QTMAN: variants seen among roughly 807,000 people sequenced by gnomAD.
QTMAN encodes queuosine-tRNA mannosyltransferase.
chr2:144,271,842 G>A, the QTMAN span, among the ~76,000 whole-genome samples: 1 of 152,102 alleles, frequency 6.6e-6, no homozygotes, highest in Non-Finnish European at 1.5e-5. Context: ...GCCTCAACCT[G>A]AATCTCTTGT....
the QTMAN span, among the ~76,000 whole-genome samples, chr2:144,103,446 T>C: frequency 6.6e-6 from 1 of 152,176 alleles, no homozygotes; most frequent in African/African-American, 2.4e-5. Context: ...TAATAGAACA[T>C]CTGAGGTGCA....
chr2:144,132,755 G>A, the QTMAN span, among the ~76,000 whole-genome samples: 8 of 151,850 alleles, frequency 5.3e-5, no homozygotes, highest in South Asian at 1.7e-3. Flanking sequence ...TTGGAGTCAT[G>A]TTGAATGGAC....
At chr2:144,032,211 T>G in the QTMAN span, among the ~76,000 whole-genome samples, 1 of 152,210 alleles carries the variant, frequency 6.6e-6, no homozygotes, top group Non-Finnish European at 1.5e-5. Flanking sequence ...TTACTAATGG[T>G]GTAGGTTTTG....
chr2:144,019,438 GT>G, the QTMAN span, among the ~76,000 whole-genome samples: 58 of 91,770 alleles, frequency 6.3e-4, no homozygotes, highest in Admixed American at 1.9e-3. Flanking sequence ...GCATGCAGGT[GT>G]GTGTGTGTGT....
chr2:143,958,788 T>G, the QTMAN span, among the ~76,000 whole-genome samples: 1 of 149,882 alleles, frequency 6.7e-6, no homozygotes, highest in Non-Finnish European at 1.5e-5. Flanking sequence ...CTTTCTTTTT[T>G]TTTTTTTTTT....
chr2:144,155,805 T>G, the QTMAN span, among the ~76,000 whole-genome samples: 1 of 152,130 alleles, frequency 6.6e-6, no homozygotes, highest in Non-Finnish European at 1.5e-5. Flanking sequence ...TATCATGATT[T>G]AGGCTTGAAT....
chr2:144,281,121 T>TTGTTCAATGAG, the QTMAN span, among the ~76,000 whole-genome samples: 1 of 140,188 alleles, frequency 7.1e-6, no homozygotes, highest in Non-Finnish European at 1.5e-5. Flanking sequence ...TGTGTTCTCA[T>TTGTTCAATGAG]TGTTCAATTC....
chr2:144,327,862 T>G, the QTMAN span, among the ~76,000 whole-genome samples: 2 of 152,226 alleles, frequency 1.3e-5, no homozygotes, highest in East Asian at 3.9e-4. Context: ...GGACCTGGAA[T>G]ACAAAAATAA....
chr2:144,257,476 G>A, the QTMAN span, among the ~76,000 whole-genome samples: 1 of 152,052 alleles, frequency 6.6e-6, no homozygotes. Flanking sequence ...GCCAAAAGGG[G>A]TCAAAGAGAG....
chr2:143,952,863 AG>A, the QTMAN span: 1 of 1,479,230 alleles, frequency 6.8e-7, no homozygotes, highest in Non-Finnish European at 9.4e-7. Flanking sequence ...TTTTAGAAAG[AG>A]GGTAAGAATA....
chr2:144,228,319 GA>G, the QTMAN span, among the ~76,000 whole-genome samples: 1 of 151,634 alleles, frequency 6.6e-6, no homozygotes, highest in Admixed American at 6.6e-5. Flanking sequence ...TTACTAGCTA[GA>G]AAAAAAAGAA....
chr2:144,160,868 CTT>C, the QTMAN span, among the ~76,000 whole-genome samples: 1 of 152,138 alleles, frequency 6.6e-6, no homozygotes, highest in African/African-American at 2.4e-5. Context: ...ACAAAAACAC[CTT>C]TGAGTAAAGC....
chr2:144,332,113 G>A, the QTMAN span, among the ~76,000 whole-genome samples: 1 of 152,196 alleles, frequency 6.6e-6, no homozygotes, highest in Non-Finnish European at 1.5e-5. Context: ...CAGCACGCAC[G>A]ACATGTAGGC....
the QTMAN span, among the ~76,000 whole-genome samples, chr2:144,206,348 AC>A: frequency 2.0e-4 from 30 of 152,182 alleles, no homozygotes; most frequent in African/African-American, 7.2e-4. Context: ...CAGAGCTCAG[AC>A]TTATTTAGTG....
chr2:144,173,645 T>C, the QTMAN span, among the ~76,000 whole-genome samples: 5 of 152,324 alleles, frequency 3.3e-5, no homozygotes, highest in African/African-American at 1.2e-4. Flanking sequence ...AGGTACTATT[T>C]CTGGCCTTTT....
the QTMAN span, among the ~76,000 whole-genome samples, chr2:143,968,208 C>A: frequency 6.6e-6 from 1 of 152,192 alleles, no homozygotes; most frequent in South Asian, 2.1e-4. Context: ...GTGGCTGAGG[C>A]AGAAAAAAAT....
chr2:144,302,336 G>T, the QTMAN span, among the ~76,000 whole-genome samples: 4 of 151,896 alleles, frequency 2.6e-5, no homozygotes, highest in Non-Finnish European at 5.9e-5. Context: ...GAAAGATATC[G>T]ATTACACTGG....
At chr2:144,140,016 T>G in the QTMAN span, among the ~76,000 whole-genome samples, 1 of 152,070 alleles carries the variant, frequency 6.6e-6, no homozygotes, top group Non-Finnish European at 1.5e-5. Context: ...CTTTTCAACA[T>G]CTCAACAAAA....
At chr2:144,314,367 G>T in the QTMAN span, among the ~76,000 whole-genome samples, 73 of 152,124 alleles carry the variant, frequency 4.8e-4, no homozygotes, top group Non-Finnish European at 1.0e-3. Flanking sequence ...ATAGAAATCA[G>T]AACACTAGCT....
Sources: gnomAD v4.1 joint callset for allele counts (sites outside exome capture counted in the v4.1 genomes callset) on GRCh38, gnomAD v4.1.1 for gene constraint, MANE v1.5 for transcripts, NCBI Gene and HGNC (gene_info 2026-07-23, HGNC 2026-07-21) for gene names.